The following EYA1 variants were observed in gnomAD, a reference collection of about 807,000 sequenced individuals.
EYA1 encodes the protein protein phosphatase EYA1.
Under a neutral mutation model 82.0 loss-of-function variants are expected in EYA1, and 16 were observed. That is an observed-to-expected ratio of 0.20 (90% CI 0.13 to 0.30). EYA1 has a LOEUF of 0.30. Among genes scored for constraint, EYA1 ranks in the 10% least tolerant of loss-of-function variants. The pLI is 1.00. For missense variants in EYA1, 633 were observed against 730.7 expected, an observed-to-expected ratio of 0.87 and a Z score of 1.54; for synonymous variants, 261 against 264.4, an observed-to-expected ratio of 0.99 and a Z score of 0.12.
intron 3 of EYA1, among the ~76,000 whole-genome samples, chr8:71,340,917 C>A (rs1256140297): frequency 6.6e-6 from 1 of 152,152 alleles, no homozygotes; most frequent in East Asian, 1.9e-4. Context: ...CTTCATACTA[C>A]TAGACACATT....
intron 2 of EYA1, among the ~76,000 whole-genome samples, chr8:71,415,771 G>A (rs1333220447): frequency 6.6e-6 from 1 of 152,134 alleles, no homozygotes; most frequent in Non-Finnish European, 1.5e-5. Flanking sequence ...CAGCAATGAA[G>A]GTAGAACAAA....
At chr8:71,275,739 T>C (rs1002906440) in intron 9 of EYA1, among the ~76,000 whole-genome samples, 4 of 152,184 alleles carry the variant, frequency 2.6e-5, no homozygotes, top group African/African-American at 9.7e-5. Context: ...TTGGTCTACA[T>C]GGCAATAATA....
chr8:71,536,751 G>A (rs574449572), intron 1 of EYA1, among the ~76,000 whole-genome samples: 1 of 152,282 alleles, frequency 6.6e-6, no homozygotes, highest in South Asian at 2.1e-4. Context: ...AGAACATGTA[G>A]TAGTGTAACT....
At chr8:71,278,916 C>T (rs186990559) in intron 9 of EYA1, among the ~76,000 whole-genome samples, 476 of 152,188 alleles carry the variant, frequency 3.1e-3, no homozygotes, top group Middle Eastern at 0.01. Flanking sequence ...GGGTGGAGGC[C>T]CTCCTCACTC....
upstream of EYA1, among the ~76,000 whole-genome samples, chr8:71,365,065 TGAGA>T (rs1258767515): frequency 2.0e-5 from 3 of 148,814 alleles, no homozygotes. Flanking sequence ...TATATATATG[TGAGA>T]GAGAGAGACA....
At chr8:71,439,755 A>T (rs1394108972) in intron 2 of EYA1, among the ~76,000 whole-genome samples, 1 of 152,242 alleles carries the variant, frequency 6.6e-6, no homozygotes, top group Non-Finnish European at 1.5e-5. Context: ...AAGCACCTAC[A>T]GGTACTAAAG....
intron 2 of EYA1, among the ~76,000 whole-genome samples, chr8:71,509,198 C>A (rs2129248684): frequency 6.6e-6 from 1 of 152,156 alleles, no homozygotes; most frequent in South Asian, 2.1e-4. Context: ...CACTGCACTG[C>A]AGCCTGCGCA....
At chr8:71,480,611 G>T (rs1810065262) in intron 2 of EYA1, among the ~76,000 whole-genome samples, 1 of 151,690 alleles carries the variant, frequency 6.6e-6, no homozygotes. Context: ...AAAATCCCAT[G>T]AATTCCTTTC....
intron 2 of EYA1, among the ~76,000 whole-genome samples, chr8:71,401,062 C>G (rs983429750): frequency 6.6e-6 from 1 of 152,154 alleles, no homozygotes; most frequent in Non-Finnish European, 1.5e-5. Flanking sequence ...TGCATGTTCT[C>G]AATTATAAGT....
At chr8:71,441,653 A>G (rs1465070471) in intron 2 of EYA1, among the ~76,000 whole-genome samples, 2 of 152,222 alleles carry the variant, frequency 1.3e-5, no homozygotes, top group Non-Finnish European at 2.9e-5. Flanking sequence ...CTTGTTAACT[A>G]TGGGATGATG....
At chr8:71,293,446 T>C (rs1052583295) in intron 9 of EYA1, among the ~76,000 whole-genome samples, 1 of 152,086 alleles carries the variant, frequency 6.6e-6, no homozygotes, top group African/African-American at 2.4e-5. Flanking sequence ...GAGGCCAGCA[T>C]TACCCTAATA....
At chr8:71,426,484 A>T (rs1335141954) in intron 2 of EYA1, among the ~76,000 whole-genome samples, 1 of 152,228 alleles carries the variant, frequency 6.6e-6, no homozygotes, top group Admixed American at 6.5e-5. Flanking sequence ...TATGCAGGTA[A>T]CTACCAACGC....
At chr8:71,495,391 A>C (rs1396209941) in intron 2 of EYA1, among the ~76,000 whole-genome samples, 2 of 152,178 alleles carry the variant, frequency 1.3e-5, no homozygotes, top group Non-Finnish European at 2.9e-5. Context: ...AGGCAAGTGG[A>C]TCACTTGAGG....
At chr8:71,406,682 T>A (rs9693297) in intron 2 of EYA1, among the ~76,000 whole-genome samples, 6 of 151,870 alleles carry the variant, frequency 4.0e-5, no homozygotes, top group Admixed American at 2.0e-4. Flanking sequence ...AAAAAACCGC[T>A]CACCAGGAGA....
chr8:71,512,902 A>C (rs1318582194), intron 2 of EYA1, among the ~76,000 whole-genome samples: 2 of 152,200 alleles, frequency 1.3e-5, no homozygotes, highest in Non-Finnish European at 2.9e-5. Context: ...GTAAGTTGCT[A>C]CTAAGCCTCA....
chr8:71,321,696 A>G (rs1822567434), intron 6 of EYA1, 38 bp downstream of exon 6: 2 of 1,610,438 alleles, frequency 1.2e-6, no homozygotes, highest in East Asian at 2.2e-5. Context: ...ACGCATGCCC[A>G]TGCGATAACG....
chr8:71,513,675 G>A (rs1235438889), intron 2 of EYA1, among the ~76,000 whole-genome samples: 1 of 151,928 alleles, frequency 6.6e-6, no homozygotes. Context: ...TCACCCTGTT[G>A]TGCTATCAAA....
chr8:71,459,617 A>G (rs952372642), intron 2 of EYA1, among the ~76,000 whole-genome samples: 2 of 142,204 alleles, frequency 1.4e-5, no homozygotes, highest in African/African-American at 5.5e-5. Flanking sequence ...TTCAAATGTA[A>G]AATATTCTCT....
At chr8:71,359,919 TA>T (rs947586998) in intron 1 of EYA1, among the ~76,000 whole-genome samples, 1 of 152,158 alleles carries the variant, frequency 6.6e-6, no homozygotes, top group Middle Eastern at 3.2e-3. Context: ...TCCTTAGCCA[TA>T]AATCTGTGTT....
Sources: allele counts gnomAD v4.1 joint callset (sites outside exome capture counted in the v4.1 genomes callset), GRCh38; gene constraint gnomAD v4.1.1; transcripts MANE v1.5; gene names NCBI Gene and HGNC (gene_info 2026-07-23, HGNC 2026-07-21).